SLIT2: variants seen among roughly 807,000 people sequenced by gnomAD.
SLIT2 encodes slit guidance ligand 2.
In SLIT2, 41 loss-of-function variants were observed where a neutral mutation model predicts 185.7. That is an observed-to-expected ratio of 0.22 (90% CI 0.17 to 0.29). SLIT2 has a LOEUF of 0.29. SLIT2 is among the 10% of genes least tolerant of loss of function. SLIT2 has a pLI of 1.00. For missense variants in SLIT2, 1,571 were observed against 1,909.0 expected (o/e 0.82, Z 3.30); for synonymous variants, 693 against 680.2 (o/e 1.02, Z -0.29).
At chr4:20,352,733 T>A (rs908337226) in intron 4 of SLIT2, among the ~76,000 whole-genome samples, 7 of 152,090 alleles carry the variant, frequency 4.6e-5, no homozygotes, top group Non-Finnish European at 8.8e-5. Context: ...CTCAACATGG[T>A]GAAATCCCAT....
At chr4:20,312,042 A>G (rs1179016601) in intron 4 of SLIT2, among the ~76,000 whole-genome samples, 4 of 152,228 alleles carry the variant, frequency 2.6e-5, no homozygotes, top group Admixed American at 1.3e-4. Flanking sequence ...GATTAGCTAA[A>G]GAATTTAGTC....
chr4:20,469,789 T>C (rs1226163883), intron 5 of SLIT2, among the ~76,000 whole-genome samples: 3 of 132,332 alleles, frequency 2.3e-5, no homozygotes, highest in African/African-American at 8.4e-5. Flanking sequence ...GGTGTCTCGC[T>C]CTCTCACCCA....
intron 4 of SLIT2, among the ~76,000 whole-genome samples, chr4:20,381,541 AATTTAGAAAT>A (rs1724514549): frequency 6.6e-6 from 1 of 152,140 alleles, no homozygotes; most frequent in Admixed American, 6.6e-5. Context: ...TTCCATGGAT[AATTTAGAAAT>A]ATGTTACTTA....
At chr4:20,379,922 A>T (rs1724354712) in intron 4 of SLIT2, among the ~76,000 whole-genome samples, 1 of 152,090 alleles carries the variant, frequency 6.6e-6, no homozygotes, top group Non-Finnish European at 1.5e-5. Flanking sequence ...AGGCAGCTGG[A>T]ATTTGAGGGG....
intron 4 of SLIT2, among the ~76,000 whole-genome samples, chr4:20,365,148 A>G (rs1427088874): frequency 6.6e-6 from 1 of 152,156 alleles, no homozygotes; most frequent in Non-Finnish European, 1.5e-5. Context: ...TTCAGGGCAG[A>G]CATTTGAACA....
chr4:20,306,217 G>T (rs1272264678), intron 4 of SLIT2, among the ~76,000 whole-genome samples: 1 of 152,104 alleles, frequency 6.6e-6, no homozygotes. Flanking sequence ...AAGGGGACTG[G>T]TCAGTGGAGA....
At chr4:20,326,081 C>A (rs1325622316) in intron 4 of SLIT2, among the ~76,000 whole-genome samples, 1 of 151,802 alleles carries the variant, frequency 6.6e-6, no homozygotes, top group African/African-American at 2.4e-5. Flanking sequence ...CTGTCTGTGC[C>A]CTTAAAAAAT....
chr4:20,450,500 C>T (rs1712351728), intron 4 of SLIT2, among the ~76,000 whole-genome samples: 1 of 152,004 alleles, frequency 6.6e-6, no homozygotes, highest in Non-Finnish European at 1.5e-5. Flanking sequence ...TAGAAGGGAC[C>T]CTTACGTTCT....
In SLIT2 at chr4:20,476,610, T is replaced by C. The variant is rs114789405; in HGVS notation, c.468-4106T>C. 4.9e-3 allele frequency among the ~76,000 whole-genome samples: 741 copies of C among 152,214 alleles called. 10 individuals are homozygous for C. Among genetic ancestry groups the C allele is most frequent in the African/African-American group, 0.017 (689 of 41,556 alleles). ...CACATTTTATGTGTCTTCTAATTCT[T>C]ACCAAAAAAACCTATTAGTTATAAG... On this transcript the variant is annotated intron_variant, in intron 5 of 36. Coordinates refer to ENST00000504154, the MANE Select transcript of SLIT2 (RefSeq NM_004787.4).
At chr4:20,282,455 G>C (rs1714865684) in intron 4 of SLIT2, among the ~76,000 whole-genome samples, 1 of 152,078 alleles carries the variant, frequency 6.6e-6, no homozygotes, top group Non-Finnish European at 1.5e-5. Flanking sequence ...TCAGTTTTAG[G>C]TTTTTAAAAG....
At chr4:20,376,547 T>C (rs1724037569) in intron 4 of SLIT2, among the ~76,000 whole-genome samples, 1 of 152,112 alleles carries the variant, frequency 6.6e-6, no homozygotes, top group South Asian at 2.1e-4. Flanking sequence ...AGTTTATTTT[T>C]CTACTGCCTA....
intron 29 of SLIT2, among the ~76,000 whole-genome samples, chr4:20,577,169 AT>A (rs1302661355): frequency 2.6e-5 from 4 of 152,162 alleles, no homozygotes; most frequent in Non-Finnish European, 5.9e-5. Flanking sequence ...GTACATAACC[AT>A]CACTTCTCAC....
intron 18 of SLIT2, among the ~76,000 whole-genome samples, chr4:20,533,963 T>G (rs552130586): frequency 9.4e-5 from 14 of 148,216 alleles, no homozygotes; most frequent in Non-Finnish European, 2.1e-4. Context: ...ACACGTATTG[T>G]GAATGCAAAT....
intron 4 of SLIT2, among the ~76,000 whole-genome samples, chr4:20,425,403 T>C (rs1728477718): frequency 6.6e-6 from 1 of 152,148 alleles, no homozygotes; most frequent in Non-Finnish European, 1.5e-5. Context: ...CCATTGTCCA[T>C]TTCTCCTGAG....
chr4:20,533,413 TTGA>T (rs1309523221), intron 17 of SLIT2, 156 bp from the exon 18 acceptor site: 9 of 619,724 alleles, frequency 1.5e-5, no homozygotes, highest in African/African-American at 7.4e-5. Context: ...TCCCTTTGTC[TTGA>T]TGGTGTAAGG....
At position 20,619,088 on chromosome 4, in the gene SLIT2, G is replaced by A. The variant is rs1729904153; in HGVS notation, c.*79G>A. 1 of 1,327,052 alleles carries A rather than the reference G, an allele frequency of 7.5e-7. No homozygotes were observed. The highest frequency in any genetic ancestry group is 2.4e-5 in the East Asian group (1 of 42,300). The allele number at this position is 1,327,052 out of a possible 1,614,324, so 82.2% of individuals were successfully genotyped here. ...TGGGACTAATGAATGCTTCATAGTG[G>A]AAATATTTGAAATATATTGTAAAAT... is the stretch of plus-strand genomic sequence containing the variant. On this transcript the variant is annotated 3_prime_UTR_variant, in exon 37 of 37. Transcript: ENST00000504154.
chr4:20,486,920 A>G (rs1305088513), intron 7 of SLIT2, among the ~76,000 whole-genome samples: 1 of 152,052 alleles, frequency 6.6e-6, no homozygotes, highest in East Asian at 1.9e-4. Context: ...GAATTTCAGA[A>G]TCACCTTGAC....
rs1367003336 is a variant in SLIT2, at chr4:20,553,859, C to A, written c.2616C>A (p.Asp872Glu). 6.2e-7 allele frequency: 1 copy of A among 1,607,280 alleles called. No individual in the cohort carries two copies. The highest frequency in any genetic ancestry group is 8.5e-7 in the Non-Finnish European group (1 of 1,178,336). ...YCDCNMQWLS[D>E]WVKSEYKEPG... ...ATTGTAACATGCAGTGGTTATCCGA[C>A]TGGGTGAAGTCGGAATATAAGGAGC... is the stretch of plus-strand genomic sequence containing the variant. The change falls in exon 26 of 37, where the codon GAC (aspartate) becomes GAA (glutamate). Residue 872 changes from aspartate to glutamate, a missense_variant. By Grantham distance (45) the Asp-to-Glu change is conservative. Coordinates refer to ENST00000504154, the MANE Select transcript of SLIT2 (RefSeq NM_004787.4).
At chr4:20,281,170 C>T (rs1013794124) in intron 4 of SLIT2, among the ~76,000 whole-genome samples, 6 of 152,086 alleles carry the variant, frequency 3.9e-5, no homozygotes, top group African/African-American at 1.4e-4. Context: ...GATGCTTATG[C>T]CTTATTAAGT....
Sources: allele counts gnomAD v4.1 joint callset (sites outside exome capture counted in the v4.1 genomes callset), GRCh38; gene constraint gnomAD v4.1.1; transcripts MANE v1.5; gene names NCBI Gene and HGNC (gene_info 2026-07-23, HGNC 2026-07-21).